MIA2: variants seen among roughly 807,000 people sequenced by gnomAD.
MIA2 encodes the protein MIA SH3 domain ER export factor 2, also known as melanoma inhibitory activity protein 2.
Under a neutral mutation model 167.8 loss-of-function variants are expected in MIA2, and 127 were observed. The ratio of observed to expected loss-of-function variants is 0.76; its 90% CI spans 0.66 to 0.88. The LOEUF (loss-of-function observed/expected upper bound fraction) is 0.88, where lower values mean the gene tolerates loss of function less well. Among genes scored for constraint, MIA2 ranks in the 40% least tolerant of loss-of-function variants. MIA2 has a pLI of 0.00. For synonymous variants in MIA2, 552 were observed against 541.9 expected (o/e 1.02, Z -0.26); for missense variants, 1,690 against 1,624.7 (o/e 1.04, Z -0.69).
intron 23 of MIA2, among the ~76,000 whole-genome samples, chr14:39,377,778 G>A (rs1287519592): frequency 1.3e-5 from 2 of 149,178 alleles, no homozygotes; most frequent in Non-Finnish European, 3.0e-5. Flanking sequence ...TTTTTAAATT[G>A]GCTTTGCTGG....
At chr14:39,267,614 G>T (rs1015680877) in intron 6 of MIA2, 21 of 1,466,696 alleles carry the variant, frequency 1.4e-5, no homozygotes, top group African/African-American at 2.8e-5. Context: ...GGTCTAAGCC[G>T]CCGTGGTCAG....
intron 25 of MIA2, among the ~76,000 whole-genome samples, chr14:39,343,469 C>G (rs889069754): frequency 6.6e-6 from 1 of 151,790 alleles, no homozygotes; most frequent in African/African-American, 2.4e-5. Flanking sequence ...TAATAGATAT[C>G]TCCCCATCGC....
intron 25 of MIA2, among the ~76,000 whole-genome samples, chr14:39,331,341 A>T (rs775117678): frequency 4.6e-5 from 7 of 152,018 alleles, no homozygotes; most frequent in African/African-American, 1.7e-4. Flanking sequence ...TTTTGAGCCT[A>T]TGTGTGTCTA....
chr14:39,344,834 C>T (rs1001727792), intron 25 of MIA2, among the ~76,000 whole-genome samples: 1 of 152,148 alleles, frequency 6.6e-6, no homozygotes, highest in African/African-American at 2.4e-5. Flanking sequence ...ACTACCTATA[C>T]TTTTTCAAGA....
intron 24 of MIA2, among the ~76,000 whole-genome samples, chr14:39,326,364 T>C (rs961704891): frequency 1.3e-5 from 2 of 152,174 alleles, no homozygotes; most frequent in East Asian, 3.8e-4. Context: ...CTCGTAACAC[T>C]ATTCAGTGAA....
Position 39,319,208 on chromosome 14 carries a change from G to T in MIA2, c.3285-1G>T. On this transcript the variant is annotated splice_acceptor_variant, in intron 22 of 28. Transcript: ENST00000640607. LOFTEE classifies it high-confidence loss of function. ...TAGAGATGTTTGTTCTTTATTTGCA[G>T]ATTAACTGAAACAGAGCTTAAATTT... The T allele has an allele frequency of 6.5e-7, 1 of 1,534,202 alleles. No homozygotes were observed. The highest frequency in any genetic ancestry group is 1.9e-5 in the Admixed American group (1 of 53,714).
At chr14:39,371,754 C>T (rs2074951570) in intron 23 of MIA2, among the ~76,000 whole-genome samples, 1 of 152,146 alleles carries the variant, frequency 6.6e-6, no homozygotes, top group South Asian at 2.1e-4. Flanking sequence ...TTTTTTGTGA[C>T]TAAGAGTTTC....
chr14:39,283,918 T>C (rs2059286514), intron 9 of MIA2, among the ~76,000 whole-genome samples: 1 of 152,182 alleles, frequency 6.6e-6, no homozygotes, highest in Non-Finnish European at 1.5e-5. Context: ...CCTTATCTGA[T>C]ATATTTTTTC....
chr14:39,263,552 T>G (rs965594263), intron 6 of MIA2, among the ~76,000 whole-genome samples: 2 of 138,334 alleles, frequency 1.4e-5, no homozygotes, highest in Non-Finnish European at 3.0e-5. Flanking sequence ...TTTCTTTTCT[T>G]TCTTCTTTTC....
chr14:39,377,222 CAT>C (rs1356872145), intron 23 of MIA2, among the ~76,000 whole-genome samples: 5 of 129,104 alleles, frequency 3.9e-5, no homozygotes, highest in Non-Finnish European at 6.6e-5. Context: ...ACAAAGAGAA[CAT>C]AGGGGGAGGA....
chr14:39,387,031 C>T, exon 24 of MIA2: 1 of 717,556 alleles, frequency 1.4e-6, no homozygotes, highest in South Asian at 1.7e-5. Flanking sequence ...GCCAGAAGGC[C>T]CTACAGTGCC....
chr14:39,242,324 AT>A (rs56734587), intron 3 of MIA2, among the ~76,000 whole-genome samples: 125 of 141,234 alleles, frequency 8.9e-4, no homozygotes, highest in South Asian at 2.2e-3. Context: ...TACTTATTGC[AT>A]TTTTTTTTTT....
chr14:39,265,900 G>C (rs12587713), intron 6 of MIA2: 220,870 of 815,438 alleles, frequency 0.27, 30,336 homozygotes, highest in East Asian at 0.5. Flanking sequence ...CTTAACAATG[G>C]AGAATTACTA....
intron 3 of MIA2, among the ~76,000 whole-genome samples, chr14:39,243,848 A>T (rs78669871): frequency 0.23 from 34,989 of 152,182 alleles, 4,220 homozygotes; most frequent in Middle Eastern, 0.31. Context: ...ACTGGGCAAC[A>T]GAACGAGACT....
chr14:39,355,249 G>C (rs534893076), downstream of MIA2, among the ~76,000 whole-genome samples: 40 of 152,276 alleles, frequency 2.6e-4, no homozygotes, highest in Admixed American at 4.6e-4. Context: ...GTGGTTTGTA[G>C]TTCTTCTTGA....
intron 7 of MIA2, among the ~76,000 whole-genome samples, chr14:39,278,367 T>C (rs1201027354): frequency 1.3e-5 from 2 of 152,212 alleles, no homozygotes; most frequent in African/African-American, 4.8e-5. Context: ...TTTCAATTTC[T>C]TTATGGTTTT....
At chr14:39,286,865 CTG>C (rs34075444) in intron 9 of MIA2, among the ~76,000 whole-genome samples, 16,751 of 141,976 alleles carry the variant, frequency 0.12, 1,197 homozygotes, top group African/African-American at 0.21. Flanking sequence ...GGCTATTTTT[CTG>C]TGTGTGTGTG....
At chr14:39,286,495 C>A (rs897523700) in intron 9 of MIA2, among the ~76,000 whole-genome samples, 1 of 151,960 alleles carries the variant, frequency 6.6e-6, no homozygotes, top group East Asian at 1.9e-4. Context: ...TTGGCTAGGT[C>A]GTTATTTGTG....
At chr14:39,383,182 A>T (rs988048908) in intron 23 of MIA2, among the ~76,000 whole-genome samples, 14 of 152,142 alleles carry the variant, frequency 9.2e-5, no homozygotes, top group Admixed American at 4.6e-4. Context: ...TTGTTTTAAC[A>T]CATTGAAGGT....
Sources: gnomAD v4.1 joint callset for allele counts (sites outside exome capture counted in the v4.1 genomes callset) on GRCh38, gnomAD v4.1.1 for gene constraint, MANE v1.5 for transcripts, NCBI Gene and HGNC (gene_info 2026-07-23, HGNC 2026-07-21) for gene names.